The following GC variants were observed in gnomAD, a reference collection of about 807,000 sequenced individuals.
The protein encoded by GC is vitamin D-binding protein.
A neutral mutation model predicts 56.7 loss-of-function variants in GC; 43 were observed. The ratio of observed to expected loss-of-function variants is 0.76; its 90% CI spans 0.59 to 0.98. The LOEUF (loss-of-function observed/expected upper bound fraction) is 0.98. Ranked by LOEUF, GC falls within the 50% of genes least tolerant of loss-of-function variation. The pLI is 0.00. For synonymous variants in GC, 216 were observed against 202.7 expected (o/e 1.07, Z -0.56); for missense variants, 529 against 545.9 (o/e 0.97, Z 0.31).
intron 6 of GC, among the ~76,000 whole-genome samples, chr4:71,762,799 T>G (rs1578294933): frequency 6.6e-6 from 1 of 152,306 alleles, no homozygotes; most frequent in Non-Finnish European, 1.5e-5. Context: ...TTGCTCCTCC[T>G]TGCCTTCCAC....
rs543092589 is a variant in GC, at chr4:71,764,984, A to G, written c.473+448T>C. ...TAGTAGATGTGTCATATTTACACGT[A>G]CACGTCACATGTTTCTGGGATGTAT... On this transcript the variant is annotated intron_variant, in intron 4 of 12. Transcript: ENST00000273951. Among the ~76,000 whole-genome samples the G allele has an allele frequency of 3.9e-5, 6 of 152,314 alleles. No homozygotes were observed. The South Asian group carries it at 1.2e-3, about 32-fold the overall frequency.
intron 1 of GC, among the ~76,000 whole-genome samples, chr4:71,793,042 C>T (rs1743010423): frequency 6.6e-6 from 1 of 152,120 alleles, no homozygotes; most frequent in Admixed American, 6.6e-5. Context: ...GTACGGGTAC[C>T]ATGCTGTTTT....
Position 71,783,943 on chromosome 4 carries a change from C to A in GC, c.58+18G>T. The A allele has an allele frequency of 6.4e-7, 1 of 1,570,740 alleles. No individual in the cohort carries two copies. The highest frequency in any genetic ancestry group is 8.6e-7 in the Non-Finnish European group (1 of 1,158,076). On this transcript the variant is annotated intron_variant, in intron 1 of 12. Coordinates refer to ENST00000273951, the MANE Select transcript of GC (RefSeq NM_000583.4). Reference sequence around the variant, plus strand: ...TAGTAAGAATTCCTGTAAATGGTCACAACAAAAGAAATCTTACCTCTCTCT... The same window carrying A: ...TAGTAAGAATTCCTGTAAATGGTCAAAACAAAAGAAATCTTACCTCTCTCT...
chr4:71,804,826 T>G (rs1352054407), upstream of GC, among the ~76,000 whole-genome samples: 2 of 151,112 alleles, frequency 1.3e-5, no homozygotes, highest in African/African-American at 2.4e-5. Context: ...TGTGTATCCC[T>G]TGTCTTTTTT....
Position 71,768,337 on chromosome 4 carries a change from A to G in GC, c.225T>C (p.Cys75=), listed in dbSNP as rs1419580150. Residue 75 remains cysteine (C), a synonymous_variant, in exon 3 of 13, where the codon TGT becomes TGC. Coordinates refer to ENST00000273951, the MANE Select transcript of GC (RefSeq NM_000583.4). ...AGCAGTCAGGGTCAGCCCCTTCCGC[A>G]CAGCAGGCTTCGGTCAAGGAGACAA... ...KEVVSLTEAC[C]AEGADPDCYD... 6.2e-7 allele frequency: 1 copy of G among 1,613,394 alleles called. No individual in the cohort carries two copies. The highest frequency in any genetic ancestry group is 1.7e-5 in the Admixed American group (1 of 59,932).
intron 6 of GC, 125 bp downstream of exon 6, chr4:71,763,283 T>C (rs1160490993): frequency 4.6e-6 from 2 of 436,672 alleles, no homozygotes; most frequent in Non-Finnish European, 8.1e-6. Flanking sequence ...TTTTTGGAGA[T>C]TATTGGAGCT....
chr4:71,798,377 T>C (rs1743165208), intron 1 of GC, among the ~76,000 whole-genome samples: 1 of 152,244 alleles, frequency 6.6e-6, no homozygotes. Context: ...TTTTTGTTTG[T>C]TTATTTACAA....
intron 6 of GC, among the ~76,000 whole-genome samples, chr4:71,760,788 G>A (rs1741943602): frequency 6.6e-6 from 1 of 152,110 alleles, no homozygotes; most frequent in Admixed American, 6.6e-5. Context: ...GAAAACAGGA[G>A]TTTCTCTGCA....
At chr4:71,770,602 T>C (rs1241707228) in intron 1 of GC, among the ~76,000 whole-genome samples, 1 of 152,122 alleles carries the variant, frequency 6.6e-6, no homozygotes, top group Non-Finnish European at 1.5e-5. Context: ...TGCTGCTATC[T>C]CTCTTACTAG....
upstream of GC, among the ~76,000 whole-genome samples, chr4:71,785,710 G>C (rs1261620263): frequency 6.6e-6 from 1 of 151,668 alleles, no homozygotes; most frequent in South Asian, 2.1e-4. Context: ...TAAATTTTCA[G>C]TTCCCTTTGG....
At chr4:71,756,947 A>C in intron 7 of GC, 33 bp from the exon 8 acceptor site, 2 of 1,386,552 alleles carry the variant, frequency 1.4e-6, no homozygotes, top group Non-Finnish European at 1.0e-6. Context: ...GTGCATTGTT[A>C]GTTTCCTGAT....
intron 3 of GC, among the ~76,000 whole-genome samples, chr4:71,767,069 AGT>A (rs1414548188): frequency 6.6e-6 from 1 of 152,200 alleles, no homozygotes; most frequent in Non-Finnish European, 1.5e-5. Flanking sequence ...GTGGTACAGA[AGT>A]TCAGGTTAAA....
intron 7 of GC, 28 bp downstream of exon 7, chr4:71,758,014 G>A: frequency 6.2e-7 from 1 of 1,604,616 alleles, no homozygotes; most frequent in East Asian, 2.2e-5. Flanking sequence ...CTGGCACATG[G>A]TGATAATGAT....
At chr4:71,805,356 G>C (rs1560719706), upstream of GC, among the ~76,000 whole-genome samples, 1 of 152,114 alleles carries the variant, frequency 6.6e-6, no homozygotes. Context: ...GTTCTCAAGG[G>C]TTCTGTCGCA....
At chr4:71,791,500 A>G (rs1035358870) in intron 1 of GC, among the ~76,000 whole-genome samples, 1 of 152,040 alleles carries the variant, frequency 6.6e-6, no homozygotes, top group African/African-American at 2.4e-5. Flanking sequence ...CATTAAATCT[A>G]TAGATCAAGT....
chr4:71,769,246 C>G, intron 2 of GC, 85 bp downstream of exon 2: 1 of 978,950 alleles, frequency 1.0e-6, no homozygotes, highest in South Asian at 1.4e-5. Context: ...TAAGGATTAA[C>G]CTCCATGCTG....
chr4:71,762,044 A>G (rs905820519), intron 6 of GC, among the ~76,000 whole-genome samples: 2 of 152,192 alleles, frequency 1.3e-5, no homozygotes, highest in African/African-American at 4.8e-5. Context: ...AGACCCCAGA[A>G]TGGTAGATCT....
At chr4:71,775,669 T>C (rs1225867440) in intron 1 of GC, among the ~76,000 whole-genome samples, 1 of 151,848 alleles carries the variant, frequency 6.6e-6, no homozygotes, top group East Asian at 1.9e-4. Context: ...TGCATCATAC[T>C]AAAAGGCTAC....
rs370714776 is a variant in GC, at chr4:71,769,324, C to T, written c.128+7G>A. 4.0e-5 allele frequency: 64 copies of T among 1,595,332 alleles called. No individual in the cohort carries two copies. Among genetic ancestry groups the T allele is most frequent in the Non-Finnish European group, 5.2e-5 (61 of 1,163,410 alleles). On this transcript the variant is annotated splice_region_variant and intron_variant, in intron 2 of 12. Transcript: ENST00000273951. The stretch of plus-strand genomic sequence containing the variant: ...ACCAACAGAGTGAGTGGCTGCTGCA[C>T]ACTTACAGAGATGTGAAGTCCTCCT...
Sources: gnomAD v4.1 joint callset for allele counts (sites outside exome capture counted in the v4.1 genomes callset) on GRCh38, gnomAD v4.1.1 for gene constraint, MANE v1.5 for transcripts, NCBI Gene and HGNC (gene_info 2026-07-23, HGNC 2026-07-21) for gene names.